The following ZMIZ2 variants were observed in gnomAD, a reference collection of about 807,000 sequenced individuals.
ZMIZ2 encodes the protein zinc finger MIZ domain-containing protein 2.
ZMIZ2 carries 26 observed loss-of-function variants against 93.9 expected under a neutral mutation model. The ratio of observed to expected loss-of-function variants is 0.28; its 90% CI spans 0.20 to 0.38. The LOEUF is 0.38. ZMIZ2 is among the 10% of genes least tolerant of loss of function. ZMIZ2 has a pLI of 1.00. For missense variants in ZMIZ2, 1,023 were observed against 1,235.0 expected, an observed-to-expected ratio of 0.83 and a Z score of 2.57; for synonymous variants, 485 against 516.4, an observed-to-expected ratio of 0.94 and a Z score of 0.82.
At position 44,765,676 on chromosome 7, in the gene ZMIZ2, A is replaced by G; in HGVS notation, c.2242+97A>G. On this transcript the variant is annotated intron_variant, in intron 16 of 18. Coordinates refer to ENST00000309315, the MANE Select transcript of ZMIZ2 (RefSeq NM_031449.4). This position sits in a 1 kb window ranked among gnomAD's most constrained non-coding sequence, Gnocchi z 4.1. ...CTCACCTGCAAGAATGTGGCTATGCAGGTCACACACCTAGGTTATCAGTGT... is the reference window on the plus strand; with the variant it reads ...CTCACCTGCAAGAATGTGGCTATGCGGGTCACACACCTAGGTTATCAGTGT... 1 of 1,496,658 alleles carries G rather than the reference A, an allele frequency of 6.7e-7. No individual in the cohort carries two copies. The highest frequency in any genetic ancestry group is 9.0e-7 in the Non-Finnish European group (1 of 1,112,302). 92.7% of individuals were successfully genotyped at this position (1,496,658 alleles called of 1,614,324 possible).
rs745409364 is a variant in ZMIZ2, at chr7:44,757,855, C to T, written c.560C>T (p.Ala187Val). 1.8e-5 allele frequency: 28 copies of T among 1,571,826 alleles called. No homozygotes were observed. The South Asian group carries it at 3.2e-4, about 18-fold the overall frequency. ...QELSQYGAMG[A>V]GQSFNSQFLQ... ...TCTTTTTTCTCTTCCTAGATGGGGGCCGGACAGTCTTTTAACAGCCAGTTT... is the reference window on the plus strand; with the variant it reads ...TCTTTTTTCTCTTCCTAGATGGGGGTCGGACAGTCTTTTAACAGCCAGTTT... The change falls in exon 6 of 19, where the codon GCC (alanine) becomes GTC (valine). Residue 187 changes from alanine (A) to valine (V), a missense_variant. By Grantham distance (64) the Ala-to-Val change is moderately conservative (BLOSUM62 0). This residue lies in a region of ZMIZ2 where 656 missense variants were observed against 777.1 expected (regional missense o/e 0.84). Transcript: ENST00000309315.
chr7:44,760,225 T>C lies in ZMIZ2; in HGVS notation c.1068T>C (p.Ser356=). 1 of 1,611,742 alleles carries C rather than the reference T, an allele frequency of 6.2e-7. No homozygotes were observed. The highest frequency in any genetic ancestry group is 8.5e-7 in the Non-Finnish European group (1 of 1,179,024). The part of the protein sequence containing the change: ...GSVSYSQPGL[S]GPTRSIPGYP... ...TCAGCTACAGCCAACCTGGCCTGAG[T>C]GGGGTAGGGGGCCTGGCCGGGAGGA... Residue 356 remains serine, a synonymous_variant, in exon 8 of 19, where the codon AGT becomes AGC. Coordinates refer to ENST00000309315, the MANE Select transcript of ZMIZ2 (RefSeq NM_031449.4).
rs1791193127 is a variant in ZMIZ2, at chr7:44,761,652, C to T, written c.1386-43C>T. 1 of 1,613,522 alleles carries T rather than the reference C, an allele frequency of 6.2e-7. No homozygotes were observed. The highest frequency in any genetic ancestry group is 8.5e-7 in the Non-Finnish European group (1 of 1,179,688). ...GAGGCTCTGTTCCTCCTCCCACACT[C>T]TCAGGGCCCGTTTTCTGGGTGTCCA... On this transcript the variant is annotated intron_variant, in intron 10 of 18. Coordinates refer to ENST00000309315, the MANE Select transcript of ZMIZ2 (RefSeq NM_031449.4). This position sits in a 1 kb window ranked among gnomAD's most constrained non-coding sequence, Gnocchi z 5.8.
rs1790773542 is a variant in ZMIZ2 at position 44,758,065 on chromosome 7, C to G, written c.770C>G (p.Ala257Gly). ...CATGGGTATCCTGGGCCTCCCCAGG[C>G]CCAGCCACTGCCCCGACAGGGGGTC... ...PQHGYPGPPQ[A>G]QPLPRQGVKR... Residue 257 changes from alanine to glycine, a missense_variant, in exon 6 of 19, where the codon GCC (alanine) becomes GGC (glycine). Coordinates refer to ENST00000309315, the MANE Select transcript of ZMIZ2 (RefSeq NM_031449.4). The G allele has an allele frequency of 6.3e-7, 1 of 1,598,010 alleles. No individual in the cohort carries two copies. The highest frequency in any genetic ancestry group is 1.1e-5 in the South Asian group (1 of 88,080).
chr7:44,756,045 C>T, intron 1 of ZMIZ2, 143 bp from the exon 2 acceptor site: 3 of 664,858 alleles, frequency 4.5e-6, no homozygotes, highest in South Asian at 1.8e-5. Flanking sequence ...TACTAGGCCC[C>T]TCCACTGCCT....
intron 6 of ZMIZ2, among the ~76,000 whole-genome samples, chr7:44,758,323 T>C (rs892773763): frequency 6.6e-6 from 1 of 151,868 alleles, no homozygotes; most frequent in East Asian, 1.9e-4. Flanking sequence ...CTACAAAAAT[T>C]AGCCTGGTGT....
intron 1 of ZMIZ2, among the ~76,000 whole-genome samples, chr7:44,750,234 C>G (rs2116576311): frequency 6.6e-6 from 1 of 152,284 alleles, no homozygotes; most frequent in African/African-American, 2.4e-5. Flanking sequence ...TAAGGTTGTC[C>G]CTTCAGCTGT....
chr7:44,758,995 T>C (rs1408885717), intron 6 of ZMIZ2, among the ~76,000 whole-genome samples: 2 of 149,320 alleles, frequency 1.3e-5, no homozygotes, highest in East Asian at 4.0e-4. Flanking sequence ...GGCAGGAGAA[T>C]TGCTTGAACC....
rs765403239 is a variant in ZMIZ2 at position 44,760,441 on chromosome 7, C to A, written c.1088C>A (p.Pro363Gln). ...PGLSGPTRSI[P>Q]GYPSSPLPGN... ...ACCCTACAGCCTACCCGTTCCATCC[C>A]GGGCTATCCCAGTTCCCCACTGCCA... The change falls in exon 9 of 19, where the codon CCG becomes CAG. Residue 363 changes from proline (P) to glutamine (Q), a missense_variant. Physicochemically the swap from Pro to Gln is moderately conservative, Grantham distance 76. Around this residue, in one of 3 missense-constraint regions of ZMIZ2, gnomAD observed 656 missense variants for 777.1 expected, o/e 0.84. Coordinates refer to ENST00000309315, the MANE Select transcript of ZMIZ2 (RefSeq NM_031449.4). 7.4e-6 allele frequency: 12 copies of A among 1,614,036 alleles called. No homozygotes were observed. In the African/African-American group the frequency reaches 1.2e-4, roughly 16 times the overall value.
At position 44,748,882 on chromosome 7, in the gene ZMIZ2, C is replaced by T. The variant is rs1346287697; in HGVS notation, c.-172C>T. 1.4e-5 allele frequency: 2 copies of T among 147,642 alleles called. No individual in the cohort carries two copies. The highest frequency in any genetic ancestry group is 3.0e-5 in the Non-Finnish European group (2 of 66,168). 9.1% of individuals were successfully genotyped at this position (147,642 alleles called of 1,614,324 possible). A position where few individuals can be genotyped will look rare whatever the true frequency, so the allele number is the denominator to read the frequency against. On this transcript the variant is annotated 5_prime_UTR_variant, in exon 1 of 19. Transcript: ENST00000309315. Reference sequence around the variant, plus strand: ...CGGAGCGGGCGGCGGCGCGATGGCGCGGGTGGCGGCGGCCCCGGGGCGGCG... The same window carrying T: ...CGGAGCGGGCGGCGGCGCGATGGCGTGGGTGGCGGCGGCCCCGGGGCGGCG...
chr7:44,759,697 C>A, intron 7 of ZMIZ2: 1 of 453,002 alleles, frequency 2.2e-6, no homozygotes, highest in South Asian at 4.8e-5. Flanking sequence ...CCGAAAGGAC[C>A]CTCTACAAGA....
Position 44,763,452 on chromosome 7 carries a change from T to TGCTAAAATATCTTGAGTCGATACA in ZMIZ2, c.1860+40_1860+63dup. ...GCAGAGTCTTGCCGGAATTTGCTGC[T>TGCTAAAATATCTTGAGTCGATACA]GCTAAAATATCTTGAGTCGATACAT... On this transcript the variant is annotated intron_variant, in intron 13 of 18. Coordinates refer to ENST00000309315, the MANE Select transcript of ZMIZ2 (RefSeq NM_031449.4). This position sits in a 1 kb window ranked among gnomAD's most constrained non-coding sequence, Gnocchi z 5.6. 4.3e-6 allele frequency: 7 copies of TGCTAAAATATCTTGAGTCGATACA among 1,610,176 alleles called. No individual in the cohort carries two copies. The highest frequency in any genetic ancestry group is 5.9e-6 in the Non-Finnish European group (7 of 1,177,308).
intron 1 of ZMIZ2, among the ~76,000 whole-genome samples, chr7:44,749,299 G>A (rs1307615439): frequency 1.3e-5 from 2 of 152,156 alleles, no homozygotes; most frequent in Non-Finnish European, 2.9e-5. Context: ...GGCTGGCCGA[G>A]GGGTGTAAGC....
rs937493941 is a variant in ZMIZ2, at chr7:44,760,305, C to T, written c.1071+77C>T. On this transcript the variant is annotated intron_variant, in intron 8 of 18. Coordinates refer to ENST00000309315, the MANE Select transcript of ZMIZ2 (RefSeq NM_031449.4). The stretch of plus-strand genomic sequence containing the variant: ...TGGAGAGAGGGCGACCGGGCAGGCA[C>T]CCCTGGGGCCGCCTCCTGTCCACCT... The T allele has an allele frequency of 2.6e-6, 4 of 1,565,380 alleles. No individual in the cohort carries two copies. The African/African-American group carries it at 4.1e-5, about 16-fold the overall frequency.
At position 44,761,421 on chromosome 7, in the gene ZMIZ2, G is replaced by C. The variant is rs1236384046; in HGVS notation, c.1241-28G>C. On this transcript the variant is annotated intron_variant, in intron 9 of 18. Transcript: ENST00000309315. The surrounding 1 kb of genome is among the most constrained non-coding windows in gnomAD (Gnocchi z 5.8). The stretch of plus-strand genomic sequence containing the variant: ...AAGACGCTCTGGCTGGGGCAACCCA[G>C]CTCACAGCCAGTGGCCTCTGCTCCC... 6 of 1,608,118 alleles carry C rather than the reference G, an allele frequency of 3.7e-6. No homozygotes were observed. The highest frequency in any genetic ancestry group is 1.3e-5 in the African/African-American group (1 of 74,944).
rs1428652100 is a variant in ZMIZ2 at position 44,765,868 on chromosome 7, G to T, written c.2242+289G>T. ...CTGGCTGGAACACCTCACAGGACTGGCCCCATCTGGGGCCCCCCTCTGGGA... is the reference window on the plus strand; with the variant it reads ...CTGGCTGGAACACCTCACAGGACTGTCCCCATCTGGGGCCCCCCTCTGGGA... On this transcript the variant is annotated intron_variant, in intron 16 of 18. Transcript: ENST00000309315. This position sits in a 1 kb window ranked among gnomAD's most constrained non-coding sequence, Gnocchi z 4.1. 3 of 1,247,826 alleles carry T rather than the reference G, an allele frequency of 2.4e-6. No individual in the cohort carries two copies. Among genetic ancestry groups the T allele is most frequent in the South Asian group, 3.5e-5 (2 of 57,522 alleles). The allele number at this position is 1,247,826 out of a possible 1,614,324, so 77.3% of individuals were successfully genotyped here.
intron 9 of ZMIZ2, 23 bp downstream of exon 9, chr7:44,760,616 C>T (rs370061799): frequency 6.2e-7 from 1 of 1,612,698 alleles, no homozygotes; most frequent in East Asian, 2.2e-5. Context: ...ACTCTTGGGA[C>T]AGCGGGGTGA....
intron 13 of ZMIZ2, 120 bp from the exon 14 acceptor site, chr7:44,764,299 G>T (rs1400868514): frequency 9.0e-6 from 8 of 885,100 alleles, no homozygotes; most frequent in Non-Finnish European, 1.3e-5. Context: ...CCTGGTACAT[G>T]CAGTATCTCA....
rs897001244 is a variant in ZMIZ2, at chr7:44,765,915, G to A, written c.2243-249G>A. 22 of 1,392,456 alleles carry A rather than the reference G, an allele frequency of 1.6e-5. No homozygotes were observed. Among genetic ancestry groups the A allele is most frequent in the South Asian group, 3.5e-5 (2 of 57,968 alleles). The allele number at this position is 1,392,456 out of a possible 1,614,324, so 86.3% of individuals were successfully genotyped here. A position where few individuals can be genotyped will look rare whatever the true frequency, so the allele number is the denominator to read the frequency against. On this transcript the variant is annotated intron_variant, in intron 16 of 18. Transcript: ENST00000309315. The surrounding 1 kb of genome is among the most constrained non-coding windows in gnomAD (Gnocchi z 4.1). ...GGGACCCACCTCACACGCGTGGTGCGTTTGTTTGTGGCTGCTCCCATTCCT... is the reference window on the plus strand; with the variant it reads ...GGGACCCACCTCACACGCGTGGTGCATTTGTTTGTGGCTGCTCCCATTCCT...
Sources: gnomAD v4.1 joint callset for allele counts (sites outside exome capture counted in the v4.1 genomes callset) on GRCh38, gnomAD v4.1.1 for gene constraint, gnomAD v4.1.1 regional missense constraint, Gnocchi (gnomAD v3.1) non-coding constraint, MANE v1.5 for transcripts, NCBI Gene and HGNC (gene_info 2026-07-23, HGNC 2026-07-21) for gene names.